SUPT5H: variants seen among roughly 807,000 people sequenced by gnomAD.
The protein encoded by SUPT5H is transcription elongation factor SPT5.
A neutral mutation model predicts 142.5 loss-of-function variants in SUPT5H; 24 were observed. The ratio of observed to expected loss-of-function variants is 0.17; its 90% CI spans 0.12 to 0.24. The LOEUF (loss-of-function observed/expected upper bound fraction) is 0.24. Among genes scored for constraint, SUPT5H ranks in the 10% least tolerant of loss-of-function variants. SUPT5H has a pLI of 1.00. For synonymous variants in SUPT5H, 546 were observed against 553.0 expected (o/e 0.99, Z 0.18); for missense variants, 893 against 1,471.8 (o/e 0.61, Z 6.43).
At chr19:39,446,263 C>T (rs1342658503) in intron 2 of SUPT5H, among the ~76,000 whole-genome samples, 2 of 151,880 alleles carry the variant, frequency 1.3e-5, no homozygotes, top group South Asian at 2.1e-4. Context: ...CATTCCATAA[C>T]TATATTTGTA....
Position 39,466,748 on chromosome 19 carries a change from G to T in SUPT5H, c.1037+3G>T. Reference sequence around the variant, plus strand: ...CTGTTTGATGCTGAGAAGATCAGGTGCGTGTCCTTGGGGACTGGCTGGGCT... The same window carrying T: ...CTGTTTGATGCTGAGAAGATCAGGTTCGTGTCCTTGGGGACTGGCTGGGCT... On this transcript the variant is annotated splice_donor_region_variant and intron_variant, in intron 13 of 29. Coordinates refer to ENST00000432763, the MANE Select transcript of SUPT5H (RefSeq NM_001111020.3). This position sits in a 1 kb window ranked among gnomAD's most constrained non-coding sequence, Gnocchi z 4.3. 6.2e-7 allele frequency: 1 copy of T among 1,614,212 alleles called. No homozygotes were observed. The highest frequency in any genetic ancestry group is 1.1e-5 in the South Asian group (1 of 91,088).
At chr19:39,468,925 C>T (rs2079279898) in intron 14 of SUPT5H, 64 bp downstream of exon 14, 1 of 1,568,336 alleles carries the variant, frequency 6.4e-7, no homozygotes, top group Non-Finnish European at 8.8e-7. Flanking sequence ...AGGTGATGCC[C>T]TGGGCTGTGG....
rs773252082 is a variant in SUPT5H at position 39,473,222 on chromosome 19, G to A, written c.2278G>A (p.Gly760Ser). 8.7e-6 allele frequency: 14 copies of A among 1,612,912 alleles called. No homozygotes were observed. The highest frequency in any genetic ancestry group is 1.1e-5 in the South Asian group (1 of 91,080). Residue 760 changes from glycine (G) to serine (S), a missense_variant, in exon 24 of 30, where the codon GGC (glycine) becomes AGC (serine). Coordinates refer to ENST00000432763, the MANE Select transcript of SUPT5H (RefSeq NM_001111020.3). The surrounding 1 kb of genome is among the most constrained non-coding windows in gnomAD (Gnocchi z 5.8). The stretch of plus-strand genomic sequence containing the variant: ...CCCCAGGGGCTCACGGCGCCCGGGC[G>A]GCATGACCTCGACCTATGGGAGGAC... ...LTTVGSRRPG[G>S]MTSTYGRTPM...
At position 39,472,237 on chromosome 19, in the gene SUPT5H, G is replaced by C. The variant is rs1176632281; in HGVS notation, c.1951-172G>C. On this transcript the variant is annotated intron_variant, in intron 20 of 29. Coordinates refer to ENST00000432763, the MANE Select transcript of SUPT5H (RefSeq NM_001111020.3). This position sits in a 1 kb window ranked among gnomAD's most constrained non-coding sequence, Gnocchi z 4.2. ...GGGGAACAGCAAGTGCAAAGGCCCT[G>C]AGGTGGGGCTTGTAGGAAAGTGTGC... 6.6e-6 allele frequency among the ~76,000 whole-genome samples: 1 copy of C among 152,198 alleles called. No homozygotes were observed. The highest frequency in any genetic ancestry group is 1.5e-5 in the Non-Finnish European group (1 of 68,034).
rs761391829 is a variant in SUPT5H at position 39,466,559 on chromosome 19, G to A, written c.956G>A (p.Arg319His). ...ATCGACTACGATCGCATCAAGGCCCGCATGAGCTTGGTACTCAGGGGAATC... is the reference window on the plus strand; with the variant it reads ...ATCGACTACGATCGCATCAAGGCCCACATGAGCTTGGTACTCAGGGGAATC... ...PRIDYDRIKARMSLKDWFAKR... is the reference protein window; with the variant it reads ...PRIDYDRIKAHMSLKDWFAKR... The change falls in exon 12 of 30, where the codon CGC becomes CAC. Residue 319 changes from arginine (R) to histidine (H), a missense_variant. By Grantham distance (29) the Arg-to-His change is conservative (BLOSUM62 0). This residue lies in a region of SUPT5H where 428 missense variants were observed against 763.5 expected (regional missense o/e 0.56). Transcript: ENST00000432763. The surrounding 1 kb of genome is among the most constrained non-coding windows in gnomAD (Gnocchi z 4.3). 1.2e-5 allele frequency: 20 copies of A among 1,613,916 alleles called. No individual in the cohort carries two copies. The highest frequency in any genetic ancestry group is 3.3e-5 in the South Asian group (3 of 91,082).
Position 39,470,656 on chromosome 19 carries a change from A to G in SUPT5H, c.1677+133A>G. 2 of 1,049,116 alleles carry G rather than the reference A, an allele frequency of 1.9e-6. No homozygotes were observed. The highest frequency in any genetic ancestry group is 2.7e-6 in the Non-Finnish European group (2 of 749,548). 65.0% of individuals were successfully genotyped at this position (1,049,116 alleles called of 1,614,324 possible). A position where few individuals can be genotyped will look rare whatever the true frequency, so the allele number is the denominator to read the frequency against. On this transcript the variant is annotated intron_variant, in intron 18 of 29. Coordinates refer to ENST00000432763, the MANE Select transcript of SUPT5H (RefSeq NM_001111020.3). The surrounding 1 kb of genome is among the most constrained non-coding windows in gnomAD (Gnocchi z 5.8). ...ATCTGGCTCTGTCACTTACATCTGA[A>G]TGGCTGATAGTGGGCACATGGCAAG...
In SUPT5H at chr19:39,453,370, G is replaced by A. The variant is rs147853831; in HGVS notation, c.90G>A (p.Arg30=). 6 of 1,603,608 alleles carry A rather than the reference G, an allele frequency of 3.7e-6. No individual in the cohort carries two copies. Among genetic ancestry groups the A allele is most frequent in the East Asian group, 2.2e-5 (1 of 44,646 alleles). The part of the protein sequence containing the change: ...DGEEAEVDEE[R]RSAAGSEKEE... Reference sequence around the variant, plus strand: ...GACCCCTGTAGGTAGACGAAGAGCGGCGGAGTGCAGCGGGCAGTGAGAAAG... The same window carrying A: ...GACCCCTGTAGGTAGACGAAGAGCGACGGAGTGCAGCGGGCAGTGAGAAAG... The change falls in exon 3 of 30, where the codon CGG becomes CGA. Residue 30 remains arginine, a synonymous_variant. Coordinates refer to ENST00000432763, the MANE Select transcript of SUPT5H (RefSeq NM_001111020.3).
At chr19:39,468,448 G>C in intron 13 of SUPT5H, 1 of 424,860 alleles carries the variant, frequency 2.4e-6, no homozygotes, top group African/African-American at 2.0e-5. Flanking sequence ...GTGAAATTTA[G>C]TGAATGTTAC....
At position 39,471,410 on chromosome 19, in the gene SUPT5H, G is replaced by A; in HGVS notation, c.1731G>A (p.Arg577=). The A allele has an allele frequency of 6.2e-7, 1 of 1,614,246 alleles. No individual in the cohort carries two copies. Among genetic ancestry groups the A allele is most frequent in the South Asian group, 1.1e-5 (1 of 91,088 alleles). Residue 577 remains arginine (R), a synonymous_variant, in exon 19 of 30, where the codon CGG becomes CGA. Transcript: ENST00000432763. ...CTGTCAGACATCAGGCTGTGACCCG[G>A]AAGAAGGACAACCGCTTTGCTGTGG... is the stretch of plus-strand genomic sequence containing the variant. ...VVTVRHQAVT[R]KKDNRFAVAL...
At chr19:39,460,870 C>T (rs1347749969) in intron 10 of SUPT5H, among the ~76,000 whole-genome samples, 1 of 152,164 alleles carries the variant, frequency 6.6e-6, no homozygotes, top group Non-Finnish European at 1.5e-5. Context: ...TCTCAGTTAA[C>T]ATGATCCCTG....
At chr19:39,460,027 A>C (rs186481492) in intron 10 of SUPT5H, 67 bp downstream of exon 10, 2 of 1,542,788 alleles carry the variant, frequency 1.3e-6, no homozygotes, top group East Asian at 4.5e-5. Flanking sequence ...AACATTGTCA[A>C]CTTCAGGGGT....
chr19:39,457,770 A>G (rs1376969377), intron 4 of SUPT5H, 30 bp downstream of exon 4: 1 of 1,614,034 alleles, frequency 6.2e-7, no homozygotes, highest in South Asian at 1.1e-5. Flanking sequence ...CCACAAGACT[A>G]CTGGGAAGAG....
rs201080789 is a variant in SUPT5H, at chr19:39,476,180, A to C, written c.3120+4A>C. On this transcript the variant is annotated splice_donor_region_variant and intron_variant, in intron 29 of 29. Coordinates refer to ENST00000432763, the MANE Select transcript of SUPT5H (RefSeq NM_001111020.3). ...CACCCCCACCAAGAACAACAAGGTA[A>C]GGGCAGGGGGCAAGGAGATAAGATG... is the stretch of plus-strand genomic sequence containing the variant. The C allele has an allele frequency of 4.1e-4, 658 of 1,613,908 alleles. 1 individual carries two copies. Among genetic ancestry groups the C allele is most frequent in the Non-Finnish European group, 5.3e-4 (631 of 1,179,996 alleles).
rs761705445 is a variant in SUPT5H, at chr19:39,464,762, C to G, written c.625-36C>G. On this transcript the variant is annotated intron_variant, in intron 10 of 29. Transcript: ENST00000432763. ...TCATTTCTGTTATTAGCCGTTGTGT[C>G]TCACTGTTTCCTCCTTCCACCGGCT... The G allele has an allele frequency of 1.9e-6, 3 of 1,562,600 alleles. No homozygotes were observed. In the Admixed American group the frequency reaches 5.4e-5, roughly 28 times the overall value.
chr19:39,475,970 C>T (rs2079399312), intron 28 of SUPT5H, 111 bp from the exon 29 acceptor site: 3 of 1,014,848 alleles, frequency 3.0e-6, no homozygotes, highest in Non-Finnish European at 4.4e-6. Flanking sequence ...TTCCTGCCCC[C>T]ATTTCACCTT....
chr19:39,459,205 G>T lies in SUPT5H; in HGVS notation c.480G>T (p.Glu160Asp). The T allele has an allele frequency of 1.9e-6, 3 of 1,579,822 alleles. No homozygotes were observed. The highest frequency in any genetic ancestry group is 2.3e-5 in the East Asian group (1 of 42,986). The change falls in exon 8 of 30, where the codon GAG becomes GAT. Residue 160 changes from glutamate to aspartate, a missense_variant. Physicochemically the swap from Glu to Asp is conservative, Grantham distance 45. This residue lies in a region of SUPT5H where 428 missense variants were observed against 763.5 expected (regional missense o/e 0.56). Coordinates refer to ENST00000432763, the MANE Select transcript of SUPT5H (RefSeq NM_001111020.3). ...VGETVYGGSD[E>D]LSDDITQQQL... ...TCAGGGTGTATGGAGGATCTGATGA[G>T]CTCTCAGACGACATCACCCAGCAGC... is the stretch of plus-strand genomic sequence containing the variant.
intron 2 of SUPT5H, among the ~76,000 whole-genome samples, chr19:39,453,012 C>CAAA (rs201092518): frequency 1.8e-5 from 2 of 109,354 alleles, no homozygotes. Flanking sequence ...GACTCTGTCT[C>CAAA]AAAAAAAAAA....
In SUPT5H at chr19:39,473,660, G is replaced by A; in HGVS notation, c.2492+139G>A. ...GCCTCAGGCTGGTCCCTTTGAAGGAGGAGGCATAGCATGGCGGGGCGGGGG... is the reference window on the plus strand; with the variant it reads ...GCCTCAGGCTGGTCCCTTTGAAGGAAGAGGCATAGCATGGCGGGGCGGGGG... On this transcript the variant is annotated intron_variant, in intron 25 of 29. Transcript: ENST00000432763. The surrounding 1 kb of genome is among the most constrained non-coding windows in gnomAD (Gnocchi z 5.8). 1.9e-6 allele frequency: 2 copies of A among 1,080,640 alleles called. No homozygotes were observed. The highest frequency in any genetic ancestry group is 2.6e-5 in the East Asian group (1 of 38,760). 66.9% of individuals were successfully genotyped at this position (1,080,640 alleles called of 1,614,324 possible). A position where few individuals can be genotyped will look rare whatever the true frequency, so the allele number is the denominator to read the frequency against.
At chr19:39,447,664 C>T (rs1387711369) in intron 2 of SUPT5H, among the ~76,000 whole-genome samples, 2 of 152,178 alleles carry the variant, frequency 1.3e-5, no homozygotes, top group African/African-American at 4.8e-5. Flanking sequence ...GGTGATCCAC[C>T]CTCCTTGGCC....
Sources: allele counts gnomAD v4.1 joint callset (sites outside exome capture counted in the v4.1 genomes callset), GRCh38; gene constraint gnomAD v4.1.1; regional missense constraint gnomAD v4.1.1; non-coding constraint Gnocchi (gnomAD v3.1); transcripts MANE v1.5; gene names NCBI Gene and HGNC (gene_info 2026-07-23, HGNC 2026-07-21).